The following ZNF536 variants were observed in gnomAD, a reference collection of about 807,000 sequenced individuals.
ZNF536 encodes zinc finger protein 536.
ZNF536 carries 13 observed loss-of-function variants against 84.5 expected under a neutral mutation model. The ratio of observed to expected loss-of-function variants is 0.15; its 90% CI spans 0.10 to 0.24. The LOEUF is 0.24. ZNF536 is among the 10% of genes least tolerant of loss of function. The probability of loss-of-function intolerance (pLI) is 1.00; values close to 1 mark genes in which losing one functional copy is unlikely to be tolerated. For synonymous variants in ZNF536, 811 were observed against 742.5 expected (o/e 1.09, Z -1.50); for missense variants, 1,536 against 1,747.5 (o/e 0.88, Z 2.16).
intron 2 of ZNF536, among the ~76,000 whole-genome samples, chr19:30,447,109 A>T: frequency 6.6e-6 from 1 of 152,246 alleles, no homozygotes; most frequent in East Asian, 1.9e-4. Flanking sequence ...AGACAGTTTG[A>T]GGCACCTCGA....
At chr19:30,237,375 G>A (rs1324319732) in intron 1 of ZNF536, among the ~76,000 whole-genome samples, 1 of 152,148 alleles carries the variant, frequency 6.6e-6, no homozygotes, top group Non-Finnish European at 1.5e-5. Flanking sequence ...TTGTGAAAGG[G>A]CCAGGCAGCC....
chr19:30,560,356 A>T (rs2046118528), downstream of ZNF536, among the ~76,000 whole-genome samples: 1 of 151,562 alleles, frequency 6.6e-6, no homozygotes, highest in Admixed American at 6.6e-5. Flanking sequence ...CCCTACGTGG[A>T]TATATAACAA....
intron 1 of ZNF536, among the ~76,000 whole-genome samples, chr19:30,419,629 G>T (rs1212525719): frequency 1.3e-5 from 2 of 152,192 alleles, no homozygotes; most frequent in African/African-American, 2.4e-5. Flanking sequence ...ACCCAAGACA[G>T]ATAAAATAAA....
intron 1 of ZNF536, among the ~76,000 whole-genome samples, chr19:30,412,906 C>T (rs2050554666): frequency 6.6e-6 from 1 of 151,844 alleles, no homozygotes; most frequent in Non-Finnish European, 1.5e-5. Context: ...TAAATTTCTT[C>T]TATAGTTATT....
intron 1 of ZNF536, among the ~76,000 whole-genome samples, chr19:30,239,592 A>AT (rs1192980500): frequency 2.0e-5 from 3 of 152,184 alleles, no homozygotes; most frequent in African/African-American, 7.2e-5. Flanking sequence ...TGGACCCTAA[A>AT]GGGGGAGACT....
At chr19:30,542,908 C>T (rs1457710042) in intron 3 of ZNF536, among the ~76,000 whole-genome samples, 1 of 152,302 alleles carries the variant, frequency 6.6e-6, no homozygotes, top group South Asian at 2.1e-4. Context: ...AACTCCTGGA[C>T]TCAAGCGATC....
intron 2 of ZNF536, among the ~76,000 whole-genome samples, chr19:30,468,922 C>T (rs571350349): frequency 1.3e-5 from 2 of 151,940 alleles, no homozygotes; most frequent in African/African-American, 4.8e-5. Flanking sequence ...TGTCCAGAGG[C>T]GATGAGGATT....
chr19:30,286,913 T>C (rs2045650622), intron 2 of ZNF536, among the ~76,000 whole-genome samples: 1 of 152,228 alleles, frequency 6.6e-6, no homozygotes, highest in South Asian at 2.1e-4. Context: ...ACACTCTTGC[T>C]TGTTTTTACA....
rs1439721511 is a variant in ZNF536 at position 30,443,601 on chromosome 19, G to A, written c.39G>A (p.Ala13=). 1 of 1,584,600 alleles carries A rather than the reference G, an allele frequency of 6.3e-7. No individual in the cohort carries two copies. The highest frequency in any genetic ancestry group is 2.2e-5 in the East Asian group (1 of 44,734). The change falls in exon 2 of 5, where the codon GCG becomes GCA. Residue 13 remains alanine (A), a synonymous_variant. Transcript: ENST00000355537. ...GCCTGTGCCTTGGAGTGTCTTCGGCGGAGCCGGAAGCTGAGCCCCACCTGA... is the reference window on the plus strand; with the variant it reads ...GCCTGTGCCTTGGAGTGTCTTCGGCAGAGCCGGAAGCTGAGCCCCACCTGA... The part of the protein sequence containing the change: ...EASLCLGVSS[A]EPEAEPHLSG...
chr19:30,664,765 T>A (rs1015308750), intron 1 of ZNF536, among the ~76,000 whole-genome samples: 13 of 152,180 alleles, frequency 8.5e-5, no homozygotes. Context: ...GGAGTCAGTG[T>A]GGCTGGCATC....
chr19:30,692,262 T>G (rs2051443426), intron 1 of ZNF536, among the ~76,000 whole-genome samples: 1 of 152,228 alleles, frequency 6.6e-6, no homozygotes, highest in South Asian at 2.1e-4. Context: ...TGGGAATTCA[T>G]CATGTGCTGA....
chr19:30,671,777 A>G (rs1205122268), intron 1 of ZNF536, among the ~76,000 whole-genome samples: 1 of 152,186 alleles, frequency 6.6e-6, no homozygotes, highest in African/African-American at 2.4e-5. Context: ...AACAGCCTCA[A>G]CTTGGGTGGT....
chr19:30,410,607 T>G (rs910105230), intron 1 of ZNF536, among the ~76,000 whole-genome samples: 6 of 152,020 alleles, frequency 3.9e-5, no homozygotes, highest in African/African-American at 1.4e-4. Flanking sequence ...CCCGCGTAGC[T>G]GGGACTACAG....
rs111453786 is a variant in ZNF536 at position 30,551,379 on chromosome 19, A to C, written c.3895+1865A>C. ...ACCAGGCGAGGTTGAATGGGAAGCCAACGTCAGGGAGCCTGCCGGGTCTTG... is the reference window on the plus strand; with the variant it reads ...ACCAGGCGAGGTTGAATGGGAAGCCCACGTCAGGGAGCCTGCCGGGTCTTG... On this transcript the variant is annotated intron_variant, in intron 4 of 4. Coordinates refer to ENST00000355537, the MANE Select transcript of ZNF536 (RefSeq NM_014717.3). Among the ~76,000 whole-genome samples the C allele has an allele frequency of 3.4e-3, 522 of 152,280 alleles. 3 individuals are homozygous for C. The highest frequency in any genetic ancestry group is 0.01 in the Middle Eastern group (3 of 294).
intron 2 of ZNF536, among the ~76,000 whole-genome samples, chr19:30,487,354 A>T (rs1217489880): frequency 1.3e-5 from 2 of 152,180 alleles, no homozygotes; most frequent in African/African-American, 2.4e-5. Context: ...ATTTACAATG[A>T]TGGTTTTCAG....
At chr19:30,488,968 T>C (rs1017083208) in intron 2 of ZNF536, among the ~76,000 whole-genome samples, 4 of 152,232 alleles carry the variant, frequency 2.6e-5, no homozygotes, top group African/African-American at 9.6e-5. Flanking sequence ...GTGCTAGGGC[T>C]GCTGACTGAG....
intron 1 of ZNF536, among the ~76,000 whole-genome samples, chr19:30,617,355 TTTTTTTTTTTTA>T: frequency 3.2e-5 from 3 of 94,130 alleles, no homozygotes; most frequent in East Asian, 3.3e-4. Flanking sequence ...TTTTTTTTTT[TTTTTTTTTTTTA>T]TGAGATGGAG....
At chr19:30,327,395 T>C (rs968341248) in intron 2 of ZNF536, among the ~76,000 whole-genome samples, 5 of 152,190 alleles carry the variant, frequency 3.3e-5, no homozygotes, top group Admixed American at 2.6e-4. Flanking sequence ...CAGGCTCTTC[T>C]CTGTGAACAG....
intron 2 of ZNF536, among the ~76,000 whole-genome samples, chr19:30,515,203 A>T (rs562865595): frequency 1.3e-5 from 2 of 152,226 alleles, no homozygotes; most frequent in East Asian, 3.9e-4. Flanking sequence ...TCAAGGTTAG[A>T]GTGAGTTATG....
Sources: gnomAD v4.1 joint callset for allele counts (sites outside exome capture counted in the v4.1 genomes callset) on GRCh38, gnomAD v4.1.1 for gene constraint, MANE v1.5 for transcripts, NCBI Gene and HGNC (gene_info 2026-07-23, HGNC 2026-07-21) for gene names.